The following PPL variants were observed in gnomAD, a reference collection of about 807,000 sequenced individuals.
PPL encodes the protein periplakin.
Under a neutral mutation model 194.4 loss-of-function variants are expected in PPL, and 198 were observed. That is an observed-to-expected ratio of 1.02 (90% CI 0.91 to 1.15). The LOEUF (loss-of-function observed/expected upper bound fraction) is 1.15. PPL is among the 50% of genes most tolerant of loss of function. The pLI, the probability that PPL is intolerant of heterozygous loss-of-function variation, is 0.00. For missense variants in PPL, 2,885 were observed against 2,294.8 expected, an observed-to-expected ratio of 1.26 and a Z score of -5.25; for synonymous variants, 1,220 against 972.4, an observed-to-expected ratio of 1.25 and a Z score of -4.74.
intron 1 of PPL, among the ~76,000 whole-genome samples, chr16:4,921,542 C>G (rs2089050487): frequency 6.6e-6 from 1 of 152,226 alleles, no homozygotes. Context: ...TCTTGGCTCA[C>G]TGCAACCTCT....
intron 1 of PPL, among the ~76,000 whole-genome samples, chr16:4,921,883 G>A (rs572269315): frequency 2.6e-5 from 2 of 76,756 alleles, no homozygotes; most frequent in East Asian, 5.1e-4. Context: ...TGGCCGCCAG[G>A]ACAGCACACA....
At chr16:4,908,990 C>T (rs912283061) in intron 2 of PPL, among the ~76,000 whole-genome samples, 1 of 152,216 alleles carries the variant, frequency 6.6e-6, no homozygotes, top group South Asian at 2.1e-4. Context: ...CCACAGGGGG[C>T]CTCAGATGGC....
chr16:4,932,296 A>G (rs925438933), intron 1 of PPL, among the ~76,000 whole-genome samples: 5 of 152,110 alleles, frequency 3.3e-5, no homozygotes, highest in Non-Finnish European at 7.3e-5. Flanking sequence ...TGTTACCCAC[A>G]TGGGTCCCCT....
At position 4,890,172 on chromosome 16, in the gene PPL, CG is replaced by C. The variant is rs2088292006; in HGVS notation, c.2313+11del. 1 of 1,613,914 alleles carries C rather than the reference CG, an allele frequency of 6.2e-7. No homozygotes were observed. Among genetic ancestry groups the C allele is most frequent in the Non-Finnish European group, 8.5e-7 (1 of 1,180,020 alleles). On this transcript the variant is annotated intron_variant, in intron 18 of 21. Coordinates refer to ENST00000345988, the MANE Select transcript of PPL (RefSeq NM_002705.5). ...CAGTGTGTGCCTGGGGCTGCGGAAA[CG>C]GCCATCTCACCTTCTGGTTCTTCAG...
intron 2 of PPL, among the ~76,000 whole-genome samples, chr16:4,904,360 C>A (rs2088639800): frequency 6.6e-6 from 1 of 152,190 alleles, no homozygotes; most frequent in Non-Finnish European, 1.5e-5. Context: ...GAGACATGGC[C>A]TCCCTGCCTG....
chr16:4,897,754 A>G lies in PPL; in HGVS notation c.893T>C (p.Val298Ala), dbSNP rs774012564. 4 of 1,613,652 alleles carry G rather than the reference A, an allele frequency of 2.5e-6. No individual in the cohort carries two copies. The East Asian group carries it at 8.9e-5, about 36-fold the overall frequency. The change falls in exon 9 of 22, where the codon GTG (valine) becomes GCG (alanine). Residue 298 changes from valine (V) to alanine (A), a missense_variant. By Grantham distance (64) the Val-to-Ala change is moderately conservative (BLOSUM62 0). Transcript: ENST00000345988. ...CAGGTACTCCTTCCAGTCTGCGTGC[A>G]CAGCCTCCATGTGCGCCTGCCAGGA... ...RNSIEAHMEAVHADWKEYLNL... is the reference protein window; with the variant it reads ...RNSIEAHMEAAHADWKEYLNL...
intron 2 of PPL, among the ~76,000 whole-genome samples, chr16:4,909,424 C>CTTTTTTTTTTTTT (rs199792362): frequency 2.5e-5 from 3 of 118,234 alleles, no homozygotes; most frequent in African/African-American, 7.9e-5. Context: ...CTGGTCCCAC[C>CTTTTTTTTTTTTT]TTTTTTTTTT....
At chr16:4,923,642 G>A (rs2089098208) in intron 1 of PPL, among the ~76,000 whole-genome samples, 4 of 152,210 alleles carry the variant, frequency 2.6e-5, no homozygotes, top group Admixed American at 6.5e-5. Context: ...GCCAGGGCAG[G>A]GAACGTAGCC....
At chr16:4,909,707 G>A (rs138117077) in intron 2 of PPL, among the ~76,000 whole-genome samples, 96 of 152,204 alleles carry the variant, frequency 6.3e-4, no homozygotes, top group African/African-American at 2.2e-3. Flanking sequence ...GATTACGGCC[G>A]TGTGAGCCAT....
chr16:4,902,522 G>A lies in PPL; in HGVS notation c.322C>T (p.Arg108Cys), dbSNP rs753408413. 7.4e-6 allele frequency: 12 copies of A among 1,613,064 alleles called. No homozygotes were observed. Among genetic ancestry groups the A allele is most frequent in the South Asian group, 3.3e-5 (3 of 90,810 alleles). ...PQGDMIAEDI[R>C]QLKERVTNLR... ...TTGGTCACACGCTCCTTCAGCTGGC[G>A]GATACTGATGGGAGAGAGGCTCCCA... The change falls in exon 4 of 22, where the codon CGC (arginine) becomes TGC (cysteine). Residue 108 changes from arginine to cysteine, a missense_variant. By Grantham distance (180) the Arg-to-Cys change is radical. Coordinates refer to ENST00000345988, the MANE Select transcript of PPL (RefSeq NM_002705.5). This position sits in a 1 kb window ranked among gnomAD's most constrained non-coding sequence, Gnocchi z 4.0.
chr16:4,929,625 T>C (rs924514910), intron 1 of PPL, among the ~76,000 whole-genome samples: 3 of 152,268 alleles, frequency 2.0e-5, no homozygotes, highest in African/African-American at 4.8e-5. Flanking sequence ...TTGTTCATTA[T>C]CCTTTCAGGC....
At chr16:4,901,247 G>A (rs1433435536) in intron 4 of PPL, among the ~76,000 whole-genome samples, 158 bp from the exon 5 acceptor site, 1 of 152,194 alleles carries the variant, frequency 6.6e-6, no homozygotes, top group East Asian at 1.9e-4. Context: ...TCAACCCTGA[G>A]GTTCTGTTTG....
Position 4,890,922 on chromosome 16 carries a change from C to T in PPL, c.1969-1G>A. ...GGGCCTGTAACTCACAGGCCATGGCCTGGCGGGGCAGAGGAGGAGACGGCG... is the reference window on the plus strand; with the variant it reads ...GGGCCTGTAACTCACAGGCCATGGCTTGGCGGGGCAGAGGAGGAGACGGCG... On this transcript the variant is annotated splice_acceptor_variant, in intron 16 of 21. Coordinates refer to ENST00000345988, the MANE Select transcript of PPL (RefSeq NM_002705.5). LOFTEE classifies it high-confidence loss of function. The T allele has an allele frequency of 6.6e-7, 1 of 1,516,144 alleles. No homozygotes were observed. The highest frequency in any genetic ancestry group is 8.9e-7 in the Non-Finnish European group (1 of 1,125,386). 93.9% of individuals were successfully genotyped at this position (1,516,144 alleles called of 1,614,324 possible). A position where few individuals can be genotyped will look rare whatever the true frequency, so the allele number is the denominator to read the frequency against.
chr16:4,913,459 T>C (rs1017910695), intron 1 of PPL, among the ~76,000 whole-genome samples: 6 of 152,168 alleles, frequency 3.9e-5, no homozygotes, highest in African/African-American at 1.4e-4. Context: ...CAAAGGACTG[T>C]GCATAGAGCC....
At chr16:4,914,773 G>A (rs1189414982) in intron 1 of PPL, among the ~76,000 whole-genome samples, 1 of 152,206 alleles carries the variant, frequency 6.6e-6, no homozygotes, top group Non-Finnish European at 1.5e-5. Context: ...AGCAGTGGGG[G>A]GCTTTGGATG....
chr16:4,894,572 C>G lies in PPL; in HGVS notation c.1289G>C (p.Gly430Ala). Residue 430 changes from glycine to alanine, a missense_variant, in exon 12 of 22, where the codon GGG (glycine) becomes GCG (alanine). Coordinates refer to ENST00000345988, the MANE Select transcript of PPL (RefSeq NM_002705.5). ...GCTGTCCATGAGCTCCCAGCTCTCC[C>G]CGTTGTTCTTCTGCAGGGTGTAGCT... ...GYSYTLQKNN[G>A]ESWELMDSAG... 6.2e-7 allele frequency: 1 copy of G among 1,613,926 alleles called. No homozygotes were observed. The highest frequency in any genetic ancestry group is 1.7e-4 in the Middle Eastern group (1 of 6,060).
intron 1 of PPL, among the ~76,000 whole-genome samples, chr16:4,917,429 G>C (rs2088946018): frequency 6.6e-6 from 1 of 152,154 alleles, no homozygotes; most frequent in Non-Finnish European, 1.5e-5. Flanking sequence ...TTATTCCATT[G>C]ATAAGAAACG....
chr16:4,930,404 C>G (rs1431751885), intron 1 of PPL, among the ~76,000 whole-genome samples: 1 of 152,220 alleles, frequency 6.6e-6, no homozygotes, highest in African/African-American at 2.4e-5. Context: ...TTTCCACTAG[C>G]TGGAACCCCT....
At chr16:4,923,675 T>C (rs2089099052) in intron 1 of PPL, among the ~76,000 whole-genome samples, 1 of 152,014 alleles carries the variant, frequency 6.6e-6, no homozygotes, top group South Asian at 2.1e-4. Flanking sequence ...CTAACCCAGG[T>C]GTGGGCTCGG....
Sources: allele counts gnomAD v4.1 joint callset (sites outside exome capture counted in the v4.1 genomes callset), GRCh38; gene constraint gnomAD v4.1.1; non-coding constraint Gnocchi (gnomAD v3.1); transcripts MANE v1.5; gene names NCBI Gene and HGNC (gene_info 2026-07-23, HGNC 2026-07-21).